Variants in IQSEC1 observed in about 807,000 individuals in gnomAD.
IQSEC1 encodes IQ motif and SEC7 domain-containing protein 1.
Under a neutral mutation model 91.0 loss-of-function variants are expected in IQSEC1, and 31 were observed. The observed-to-expected ratio is 0.34, with a 90% CI of 0.26 to 0.46. IQSEC1 has a LOEUF of 0.46. IQSEC1 is among the 20% of genes least tolerant of loss of function. IQSEC1 has a pLI of 1.00. For synonymous variants in IQSEC1, 699 were observed against 662.6 expected (o/e 1.05, Z -0.84); for missense variants, 1,388 against 1,575.6 (o/e 0.88, Z 2.02).
chr3:13,203,164 T>TACACACACACACACACACACAC (rs10533324), intron 1 of IQSEC1, among the ~76,000 whole-genome samples: 3 of 148,120 alleles, frequency 2.0e-5, no homozygotes, highest in South Asian at 4.3e-4. Flanking sequence ...TTACCACTAC[T>TACACACACACACACACACACAC]ACACACACAC....
At chr3:13,071,224 C>T (rs1009576290) in intron 1 of IQSEC1, among the ~76,000 whole-genome samples, 1 of 151,390 alleles carries the variant, frequency 6.6e-6, no homozygotes, top group African/African-American at 2.4e-5. Flanking sequence ...GCTACAACCC[C>T]CACCCCAGGC....
At chr3:13,186,866 C>G (rs529965989) in intron 1 of IQSEC1, among the ~76,000 whole-genome samples, 35 of 152,298 alleles carry the variant, frequency 2.3e-4, no homozygotes, top group African/African-American at 7.2e-4. Context: ...CCAGAGGAGG[C>G]ATCCCACAGC....
chr3:13,106,376 T>C (rs965650759), intron 2 of IQSEC1, among the ~76,000 whole-genome samples: 1 of 152,268 alleles, frequency 6.6e-6, no homozygotes, highest in South Asian at 2.1e-4. Flanking sequence ...CCCTTCTTAT[T>C]TGGGGACTCA....
Position 13,098,170 on chromosome 3 carries a change from G to A in IQSEC1, c.303-50648C>T, listed in dbSNP as rs190550515. Among the ~76,000 whole-genome samples the A allele has an allele frequency of 9.6e-4, 147 of 152,356 alleles. 1 individual carries two copies. Among genetic ancestry groups the A allele is most frequent in the African/African-American group, 3.4e-3 (142 of 41,578 alleles). ...CATTAATTCAACAAACATTTATTGA[G>A]CAACTATGATGTGCAGCCTTCTTTC... is the stretch of plus-strand genomic sequence containing the variant. On this transcript the variant is annotated intron_variant, in intron 2 of 15. Transcript: ENST00000648114.
At chr3:13,091,996 GC>G (rs1199019791) in intron 2 of IQSEC1, among the ~76,000 whole-genome samples, 1 of 152,054 alleles carries the variant, frequency 6.6e-6, no homozygotes, top group East Asian at 1.9e-4. Flanking sequence ...GTGTCCCCAG[GC>G]CCCCCAGGCA....
chr3:12,954,084 C>A (rs553404801), intron 1 of IQSEC1, among the ~76,000 whole-genome samples: 1 of 152,354 alleles, frequency 6.6e-6, no homozygotes, highest in East Asian at 1.9e-4. Context: ...CCAAGGCAGC[C>A]CTTGTCCTGT....
chr3:13,195,117 A>G (rs143628704), intron 1 of IQSEC1, among the ~76,000 whole-genome samples: 145 of 152,372 alleles, frequency 9.5e-4, no homozygotes, highest in African/African-American at 3.2e-3. Context: ...AGTAGTATCT[A>G]GAATATAAAA....
At chr3:13,024,702 T>C (rs530445518) in intron 1 of IQSEC1, among the ~76,000 whole-genome samples, 3 of 151,152 alleles carry the variant, frequency 2.0e-5, no homozygotes, top group Non-Finnish European at 4.4e-5. Flanking sequence ...ATCTACCCCA[T>C]CTGTCCATCC....
At chr3:13,281,105 CA>C (rs1345650027) in intron 1 of IQSEC1, among the ~76,000 whole-genome samples, 2 of 152,214 alleles carry the variant, frequency 1.3e-5, no homozygotes, top group Non-Finnish European at 2.9e-5. Context: ...ATGTGCTGAC[CA>C]ACGTGTCACT....
intron 1 of IQSEC1, among the ~76,000 whole-genome samples, chr3:12,962,481 G>C (rs1046056966): frequency 1.3e-5 from 2 of 152,218 alleles, no homozygotes; most frequent in Non-Finnish European, 2.9e-5. Flanking sequence ...ACTCCTCCCA[G>C]CTGGGGACTC....
At chr3:13,155,980 A>C (rs992371711) in intron 2 of IQSEC1, among the ~76,000 whole-genome samples, 1 of 151,848 alleles carries the variant, frequency 6.6e-6, no homozygotes, top group African/African-American at 2.4e-5. Context: ...GCACTTTGGG[A>C]GGCCAATGCG....
intron 13 of IQSEC1, 79 bp downstream of exon 13, chr3:12,902,694 A>AAC (rs1694493323): frequency 8.2e-6 from 6 of 728,648 alleles, no homozygotes; most frequent in South Asian, 7.0e-5. Flanking sequence ...AAAAAAAAAA[A>AAC]CCAGGACAAC....
chr3:12,979,503 C>T lies in IQSEC1; in HGVS notation c.24-37638G>A, dbSNP rs561114865. Among the ~76,000 whole-genome samples, 19 of 152,332 alleles carry T rather than the reference C, an allele frequency of 1.2e-4. No individual in the cohort carries two copies. The highest frequency in any genetic ancestry group is 2.6e-4 in the Admixed American group (4 of 15,306). ...AAGGCGGACACATGCACGCAGCACG[C>T]GCACACACACACTCTAAGATGTCCC... On this transcript the variant is annotated intron_variant, in intron 1 of 13. Coordinates refer to ENST00000613206, the MANE Select transcript of IQSEC1 (RefSeq NM_001134382.3). This position sits in a 1 kb window ranked among gnomAD's most constrained non-coding sequence, Gnocchi z 4.3.
At chr3:12,960,853 G>A (rs368881590) in intron 1 of IQSEC1, among the ~76,000 whole-genome samples, 4 of 152,106 alleles carry the variant, frequency 2.6e-5, no homozygotes, top group African/African-American at 4.8e-5. Context: ...CCTTCCTGCC[G>A]GCACGCATAG....
Position 12,900,478 on chromosome 3 carries a change from T to A in IQSEC1, c.*505A>T, listed in dbSNP as rs1694136166. Reference sequence around the variant, plus strand: ...ATATATATATATATATTTATATATTTATATATTTATATAAAGTTTACTTAC... The same window carrying A: ...ATATATATATATATATTTATATATTAATATATTTATATAAAGTTTACTTAC... On this transcript the variant is annotated 3_prime_UTR_variant, in exon 14 of 14. Coordinates refer to ENST00000613206, the MANE Select transcript of IQSEC1 (RefSeq NM_001134382.3). The A allele has an allele frequency of 1.1e-5, 8 of 725,570 alleles. No individual in the cohort carries two copies. In the Admixed American group the frequency reaches 5.2e-4, roughly 47 times the overall value. 44.9% of individuals were successfully genotyped at this position (725,570 alleles called of 1,614,324 possible). A position where few individuals can be genotyped will look rare whatever the true frequency, so the allele number is the denominator to read the frequency against.
chr3:13,134,270 T>C (rs1706671520), intron 2 of IQSEC1, among the ~76,000 whole-genome samples: 1 of 152,198 alleles, frequency 6.6e-6, no homozygotes, highest in Non-Finnish European at 1.5e-5. Flanking sequence ...ACAGGCCATG[T>C]TCTCAGCCAC....
chr3:13,202,063 G>A (rs899070696), intron 1 of IQSEC1, among the ~76,000 whole-genome samples: 2 of 152,324 alleles, frequency 1.3e-5, no homozygotes, highest in African/African-American at 2.4e-5. Flanking sequence ...GTGATCAGAC[G>A]TTGTCTCTAT....
Position 12,899,568 on chromosome 3 carries a change from TC to T in IQSEC1, c.*1414del. ...GAGAGTCATGTGATGCCCTGGCAGC[TC>T]ACTGGACCATGGGAAGGCAGCGGGG... is the stretch of plus-strand genomic sequence containing the variant. On this transcript the variant is annotated 3_prime_UTR_variant, in exon 14 of 14. Transcript: ENST00000613206. The T allele has an allele frequency of 2.0e-6, 3 of 1,486,742 alleles. No homozygotes were observed. The highest frequency in any genetic ancestry group is 4.6e-5 in the Admixed American group (2 of 43,242). 92.1% of individuals were successfully genotyped at this position (1,486,742 alleles called of 1,614,324 possible).
chr3:12,908,278 C>T lies in IQSEC1; in HGVS notation c.2755+71G>A. 2.6e-6 allele frequency: 4 copies of T among 1,532,708 alleles called. No homozygotes were observed. Among genetic ancestry groups the T allele is most frequent in the Non-Finnish European group, 3.6e-6 (4 of 1,122,876 alleles). The allele number at this position is 1,532,708 out of a possible 1,614,324, so 94.9% of individuals were successfully genotyped here. ...GGCCCTGCCCCGCGTGATGCATGCC[C>T]TGAATGCAGACGCCCTGCCTCGGTC... is the stretch of plus-strand genomic sequence containing the variant. On this transcript the variant is annotated intron_variant, in intron 12 of 13. Transcript: ENST00000613206. This position sits in a 1 kb window ranked among gnomAD's most constrained non-coding sequence, Gnocchi z 4.9.
Sources: gnomAD v4.1 joint callset for allele counts (sites outside exome capture counted in the v4.1 genomes callset) on GRCh38, gnomAD v4.1.1 for gene constraint, Gnocchi (gnomAD v3.1) non-coding constraint, MANE v1.5 for transcripts, NCBI Gene and HGNC (gene_info 2026-07-23, HGNC 2026-07-21) for gene names.